The following TNPO1 variants were observed in gnomAD, a reference collection of about 807,000 sequenced individuals.
TNPO1 encodes transportin 1.
TNPO1 carries 8 observed loss-of-function variants against 119.5 expected under a neutral mutation model. The ratio of observed to expected loss-of-function variants is 0.07; its 90% CI spans 0.04 to 0.12. The LOEUF is 0.12. Among genes scored for constraint, TNPO1 ranks in the 10% least tolerant of loss-of-function variants. The pLI is 1.00. For synonymous variants in TNPO1, 362 were observed against 363.0 expected (o/e 1.00, Z 0.03); for missense variants, 576 against 1,089.8 (o/e 0.53, Z 6.64).
At chr5:72,853,729 T>C (rs1470707461) in intron 3 of TNPO1, among the ~76,000 whole-genome samples, 3 of 152,120 alleles carry the variant, frequency 2.0e-5, no homozygotes, top group African/African-American at 7.2e-5. Context: ...AAAAAAATCT[T>C]TGCATCATGG....
chr5:72,840,897 C>T (rs1041838280), intron 1 of TNPO1, among the ~76,000 whole-genome samples: 2 of 152,090 alleles, frequency 1.3e-5, no homozygotes, highest in African/African-American at 2.4e-5. Context: ...AAAATTTTAA[C>T]GTCTTAGCCT....
chr5:72,866,917 A>G (rs914262837), intron 6 of TNPO1, among the ~76,000 whole-genome samples: 4 of 152,054 alleles, frequency 2.6e-5, no homozygotes, highest in Admixed American at 6.6e-5. Context: ...TATTTCACCT[A>G]AAATCACAGC....
At chr5:72,837,652 A>G (rs1744740057) in intron 1 of TNPO1, among the ~76,000 whole-genome samples, 2 of 152,224 alleles carry the variant, frequency 1.3e-5, no homozygotes, top group Admixed American at 6.5e-5. Flanking sequence ...TCTTCATCCT[A>G]TTGTTATCTG....
chr5:72,878,491 G>A (rs1747985776), intron 9 of TNPO1: 1 of 152,760 alleles, frequency 6.5e-6, no homozygotes, highest in African/African-American at 2.4e-5. Context: ...TCATAGTAAA[G>A]GGTTTTTTTT....
chr5:72,879,205 A>G (rs956895879), intron 9 of TNPO1: 3 of 173,118 alleles, frequency 1.7e-5, no homozygotes, highest in South Asian at 1.3e-4. Context: ...TAGAAGTCCT[A>G]TTCCCAGCAG....
intron 1 of TNPO1, among the ~76,000 whole-genome samples, chr5:72,843,134 A>C (rs565561273): frequency 3.5e-4 from 53 of 152,282 alleles, no homozygotes; most frequent in Non-Finnish European, 6.9e-4. Flanking sequence ...CTAGATGTTC[A>C]CCATGAAGAA....
intron 2 of TNPO1, among the ~76,000 whole-genome samples, chr5:72,850,357 C>T (rs545830052): frequency 6.6e-6 from 1 of 152,304 alleles, no homozygotes; most frequent in Admixed American, 6.5e-5. Flanking sequence ...TTACACCTTG[C>T]AGTTTTACTA....
At chr5:72,848,341 G>GT (rs1745246746) in intron 1 of TNPO1, 44 bp from the exon 2 acceptor site, 2 of 1,581,520 alleles carry the variant, frequency 1.3e-6, no homozygotes, top group African/African-American at 2.7e-5. Flanking sequence ...TGCACCGGGA[G>GT]TAACAGTTGC....
chr5:72,850,024 C>T (rs1209429813), intron 2 of TNPO1, among the ~76,000 whole-genome samples: 1 of 152,064 alleles, frequency 6.6e-6, no homozygotes, highest in Admixed American at 6.6e-5. Flanking sequence ...ATTCTGTGTG[C>T]CTGGAACTTA....
At chr5:72,898,405 C>A (rs1014691407) in intron 20 of TNPO1, among the ~76,000 whole-genome samples, 2 of 152,050 alleles carry the variant, frequency 1.3e-5, no homozygotes, top group Non-Finnish European at 2.9e-5. Flanking sequence ...TTATATCCTA[C>A]ATAAATAAGT....
At chr5:72,868,151 G>A (rs1747067729) in intron 6 of TNPO1, among the ~76,000 whole-genome samples, 1 of 152,082 alleles carries the variant, frequency 6.6e-6, no homozygotes, top group Non-Finnish European at 1.5e-5. Flanking sequence ...AGCTTAATAT[G>A]GCCGGGCGCG....
rs1750421084 is a variant in TNPO1, at chr5:72,909,583, T to A, written c.*910T>A. 1 of 152,332 alleles carries A rather than the reference T, an allele frequency of 6.6e-6. No individual in the cohort carries two copies. Among genetic ancestry groups the A allele is most frequent in the Non-Finnish European group, 1.5e-5 (1 of 68,036 alleles). The allele number at this position is 152,332 out of a possible 1,614,324, so 9.4% of individuals were successfully genotyped here. A position where few individuals can be genotyped will look rare whatever the true frequency, so the allele number is the denominator to read the frequency against. ...TCATAGTGGTTGAAAGTAATTTAAA[T>A]TAGTGGGAAAGTAGCATGCTTGCAT... On this transcript the variant is annotated 3_prime_UTR_variant, in exon 25 of 25. Coordinates refer to ENST00000337273, the MANE Select transcript of TNPO1 (RefSeq NM_002270.4).
At chr5:72,851,125 T>A in intron 2 of TNPO1, 119 bp from the exon 3 acceptor site, 3 of 598,520 alleles carry the variant, frequency 5.0e-6, no homozygotes, top group East Asian at 3.2e-5. Context: ...ATTCTTAGTT[T>A]AAAAAAAAAA....
intron 6 of TNPO1, among the ~76,000 whole-genome samples, chr5:72,872,093 T>A (rs1249338465): frequency 6.6e-6 from 1 of 152,166 alleles, no homozygotes; most frequent in African/African-American, 2.4e-5. Context: ...TTTGGCACAA[T>A]GGAAGTCAGG....
chr5:72,827,664 A>T (rs1744264620), intron 1 of TNPO1, among the ~76,000 whole-genome samples: 1 of 152,180 alleles, frequency 6.6e-6, no homozygotes, highest in African/African-American at 2.4e-5. Flanking sequence ...GTATTAGGCA[A>T]CTGGAGGAGG....
chr5:72,891,677 G>A (rs1749070208), intron 14 of TNPO1, 133 bp from the exon 15 acceptor site: 1 of 645,542 alleles, frequency 1.5e-6, no homozygotes, highest in East Asian at 2.7e-5. Context: ...GCAGAGTGAA[G>A]AATGACTCTT....
chr5:72,877,730 CTTAATG>C (rs1484676473), intron 9 of TNPO1, among the ~76,000 whole-genome samples: 1 of 151,878 alleles, frequency 6.6e-6, no homozygotes, highest in African/African-American at 2.4e-5. Flanking sequence ...ATTTAGTTAA[CTTAATG>C]TTAAGCCCAT....
chr5:72,867,842 CCT>C (rs1219576794), intron 6 of TNPO1, among the ~76,000 whole-genome samples: 3 of 152,196 alleles, frequency 2.0e-5, no homozygotes, highest in Admixed American at 6.5e-5. Flanking sequence ...CATTTTGACT[CCT>C]CTGTAATATT....
In TNPO1 at chr5:72,910,703, A is replaced by G. The variant is rs1750505330; in HGVS notation, c.*2030A>G. The G allele has an allele frequency of 6.6e-6, 1 of 152,378 alleles. No homozygotes were observed. The highest frequency in any genetic ancestry group is 6.5e-5 in the Admixed American group (1 of 15,270). 9.4% of individuals were successfully genotyped at this position (152,378 alleles called of 1,614,324 possible). A position where few individuals can be genotyped will look rare whatever the true frequency, so the allele number is the denominator to read the frequency against. ...AAGTGTTGAATGATACAGCCATTGC[A>G]CTGAAGTTTGAGCTGTGTGCGTGTG... On this transcript the variant is annotated 3_prime_UTR_variant, in exon 25 of 25. Transcript: ENST00000337273.
Sources: allele counts gnomAD v4.1 joint callset (sites outside exome capture counted in the v4.1 genomes callset), GRCh38; gene constraint gnomAD v4.1.1; transcripts MANE v1.5; gene names NCBI Gene and HGNC (gene_info 2026-07-23, HGNC 2026-07-21).